The following LIPA variants were observed in gnomAD, a reference collection of about 807,000 sequenced individuals.
LIPA encodes the protein lysosomal acid lipase/cholesteryl ester hydrolase.
A neutral mutation model predicts 40.6 loss-of-function variants in LIPA; 26 were observed. The observed-to-expected ratio is 0.64, with a 90% CI of 0.47 to 0.89. The LOEUF is 0.89. Among genes scored for constraint, LIPA ranks in the 40% least tolerant of loss-of-function variants. LIPA has a pLI of 0.00. For synonymous variants in LIPA, 188 were observed against 168.4 expected, an observed-to-expected ratio of 1.12 and a Z score of -0.90; for missense variants, 455 against 479.6, an observed-to-expected ratio of 0.95 and a Z score of 0.48.
chr10:89,220,999 G>A (rs1244259054), intron 8 of LIPA, among the ~76,000 whole-genome samples: 1 of 152,062 alleles, frequency 6.6e-6, no homozygotes, highest in African/African-American at 2.4e-5. Flanking sequence ...TCTCATGCAA[G>A]CTCTAGAAAA....
chr10:89,336,992 CT>C (rs1290908196), intron 1 of LIPA, among the ~76,000 whole-genome samples: 2 of 152,210 alleles, frequency 1.3e-5, no homozygotes, highest in African/African-American at 4.8e-5. Flanking sequence ...CCTTTAGTAT[CT>C]TCCAACTACA....
At chr10:89,316,090 A>G (rs1403917226) in intron 1 of LIPA, among the ~76,000 whole-genome samples, 1 of 152,168 alleles carries the variant, frequency 6.6e-6, no homozygotes, top group Non-Finnish European at 1.5e-5. Context: ...TTAAAAATGC[A>G]GTTTCAGAGG....
chr10:89,234,826 G>T (rs1210254525), intron 3 of LIPA, among the ~76,000 whole-genome samples: 1 of 152,222 alleles, frequency 6.6e-6, no homozygotes, highest in African/African-American at 2.4e-5. Flanking sequence ...AGCTAGCGCC[G>T]ATTGCACGCT....
At chr10:89,286,271 A>G in intron 1 of LIPA, among the ~76,000 whole-genome samples, 1 of 152,006 alleles carries the variant, frequency 6.6e-6, no homozygotes, top group South Asian at 2.1e-4. Context: ...TCCAACCCCA[A>G]GTGTCACTAA....
chr10:89,411,672 G>C lies in LIPA; in HGVS notation c.61+1119C>G, dbSNP rs1308560034. ...ATCCCAAACAGACTCTTTGGCAGCA[G>C]CGACTCTCCAAAATCGCCAAGGCCT... On this transcript the variant is annotated intron_variant, in intron 2 of 8. Coordinates refer to the LIPA transcript ENST00000371837. Among the ~76,000 whole-genome samples, 4 of 152,234 alleles carry C rather than the reference G, an allele frequency of 2.6e-5. No homozygotes were observed. The East Asian group carries it at 7.7e-4, about 29-fold the overall frequency.
intron 1 of LIPA, chr10:89,307,418 G>C (rs1255287352): frequency 6.8e-7 from 1 of 1,475,932 alleles, no homozygotes; most frequent in South Asian, 1.3e-5. Flanking sequence ...CTGAAAGGGA[G>C]CTGAAATTCC....
exon 1 of LIPA, chr10:89,414,462 A>C: frequency 3.3e-6 from 1 of 306,104 alleles, no homozygotes; most frequent in Non-Finnish European, 6.0e-6. Flanking sequence ...TGCAAATTCA[A>C]CTCCGAAAGA....
At chr10:89,354,844 G>T (rs1306269527) in intron 2 of LIPA, among the ~76,000 whole-genome samples, 1 of 152,180 alleles carries the variant, frequency 6.6e-6, no homozygotes, top group Non-Finnish European at 1.5e-5. Context: ...GGGATTACAG[G>T]TGTGCACCAC....
chr10:89,225,138 G>C lies in LIPA; in HGVS notation c.629C>G (p.Thr210Ser). 4 of 1,614,202 alleles carry C rather than the reference G, an allele frequency of 2.5e-6. No homozygotes were observed. The change falls in exon 6 of 10, where the codon ACT (threonine) becomes AGT (serine). Residue 210 changes from threonine to serine, a missense_variant. Transcript: ENST00000336233. Reference sequence around the variant, plus strand: ...TCGTCCTAATTTGGCCATAGGGCTAGTACAGAAGGCGACGGAAGCCACAGG... The same window carrying C: ...TCGTCCTAATTTGGCCATAGGGCTACTACAGAAGGCGACGGAAGCCACAGG... Reference protein sequence around the residue: ...LGPVASVAFCTSPMAKLGRLP... With the variant: ...LGPVASVAFCSSPMAKLGRLP...
At chr10:89,322,948 G>T (rs1052985786) in intron 1 of LIPA, among the ~76,000 whole-genome samples, 1 of 152,126 alleles carries the variant, frequency 6.6e-6, no homozygotes, top group Non-Finnish European at 1.5e-5. Context: ...TTCCACTTCT[G>T]TCTGAATTCA....
chr10:89,297,668 C>T (rs1348414868), intron 1 of LIPA, among the ~76,000 whole-genome samples: 1 of 152,228 alleles, frequency 6.6e-6, no homozygotes, highest in African/African-American at 2.4e-5. Context: ...TGAGAAGTGA[C>T]CCTACCCTTA....
chr10:89,293,760 AGT>A (rs370830899), intron 1 of LIPA: 49 of 151,156 alleles, frequency 3.2e-4, no homozygotes, highest in Non-Finnish European at 4.9e-4. Flanking sequence ...TGAAGACGTC[AGT>A]GTTACCAGAT....
chr10:89,255,416 A>C (rs1046093744), upstream of LIPA, among the ~76,000 whole-genome samples: 1 of 152,176 alleles, frequency 6.6e-6, no homozygotes, highest in Admixed American at 6.5e-5. Context: ...ACTGCCCCCC[A>C]TGATTTAATT....
chr10:89,267,640 T>G (rs1417259905), intron 1 of LIPA, among the ~76,000 whole-genome samples: 2 of 146,306 alleles, frequency 1.4e-5, no homozygotes, highest in East Asian at 2.0e-4. Flanking sequence ...GATGACGAGT[T>G]AGTGGGTGCA....
chr10:89,272,618 G>T (rs1158762989), intron 1 of LIPA, among the ~76,000 whole-genome samples: 3 of 152,166 alleles, frequency 2.0e-5, no homozygotes, highest in Admixed American at 1.3e-4. Flanking sequence ...ACCCGGTAAT[G>T]GGATTGTTGG....
chr10:89,362,550 AC>A, intron 2 of LIPA: 1 of 301,014 alleles, frequency 3.3e-6, no homozygotes, highest in Admixed American at 3.9e-5. Context: ...GACATGAGTG[AC>A]CAGTATCATC....
At chr10:89,358,850 T>C (rs1457793483) in intron 2 of LIPA, among the ~76,000 whole-genome samples, 1 of 152,166 alleles carries the variant, frequency 6.6e-6, no homozygotes, top group East Asian at 1.9e-4. Context: ...GAATAATTTC[T>C]AGTGTTCGAT....
chr10:89,272,210 T>C (rs957888573), intron 1 of LIPA, among the ~76,000 whole-genome samples: 3 of 152,254 alleles, frequency 2.0e-5, no homozygotes, highest in Non-Finnish European at 4.4e-5. Flanking sequence ...TTAAGCGTAG[T>C]ACCCATTAGT....
chr10:89,388,374 G>A (rs1441647840), intron 2 of LIPA, among the ~76,000 whole-genome samples: 1 of 152,150 alleles, frequency 6.6e-6, no homozygotes, highest in Non-Finnish European at 1.5e-5. Context: ...CCACAGTGCT[G>A]GGATTACAGG....
Sources: gnomAD v4.1 joint callset for allele counts (sites outside exome capture counted in the v4.1 genomes callset) on GRCh38, gnomAD v4.1.1 for gene constraint, MANE v1.5 for transcripts, NCBI Gene and HGNC (gene_info 2026-07-23, HGNC 2026-07-21) for gene names.